Variants in DYNC2H1 observed in about 807,000 individuals in gnomAD.
DYNC2H1 encodes the protein cytoplasmic dynein 2 heavy chain 1.
In DYNC2H1, 410 loss-of-function variants were observed where a neutral mutation model predicts 570.0. That is an observed-to-expected ratio of 0.72 (90% CI 0.66 to 0.78). The LOEUF is 0.78. DYNC2H1 is among the 30% of genes least tolerant of loss of function. The probability of loss-of-function intolerance (pLI) is 0.00; values close to 1 mark genes in which losing one functional copy is unlikely to be tolerated. For missense variants in DYNC2H1, 4,865 were observed against 5,046.4 expected (o/e 0.96, Z 1.09); for synonymous variants, 1,688 against 1,677.6 (o/e 1.01, Z -0.15).
At chr11:103,117,604 T>G in intron 5 of DYNC2H1, 27 bp from the exon 6 acceptor site, 1 of 1,511,208 alleles carries the variant, frequency 6.6e-7, no homozygotes, top group East Asian at 2.3e-5. Context: ...TTATTTCCCT[T>G]AAACTCTTTG....
intron 54 of DYNC2H1, among the ~76,000 whole-genome samples, chr11:103,214,296 A>G (rs2135129654): frequency 6.6e-6 from 1 of 152,268 alleles, no homozygotes; most frequent in Middle Eastern, 3.4e-3. Flanking sequence ...TGCTTTGGCT[A>G]TTCAGGCTCT....
intron 63 of DYNC2H1, 64 bp downstream of exon 63, chr11:103,236,603 G>A: frequency 3.4e-6 from 3 of 882,128 alleles, no homozygotes; most frequent in South Asian, 3.4e-5. Context: ...TGTAGAAATT[G>A]TGTTCTTCGT....
Position 103,153,359 on chromosome 11 carries a change from G to A in DYNC2H1, c.3153G>A (p.Leu1051=). Residue 1051 remains leucine (L), a synonymous_variant, in exon 22 of 89, where the codon CTG becomes CTA. Coordinates refer to ENST00000375735, the MANE Select transcript of DYNC2H1 (RefSeq NM_001377.3). The part of the protein sequence containing the change: ...KSRLQIYYQE[L]EKFKARWDQL... Reference sequence around the variant, plus strand: ...GTCTTCAGATCTATTATCAAGAACTGGAAAAATTTAAAGCTCGTTGGGACC... The same window carrying A: ...GTCTTCAGATCTATTATCAAGAACTAGAAAAATTTAAAGCTCGTTGGGACC... 1.3e-6 allele frequency: 2 copies of A among 1,548,312 alleles called. No homozygotes were observed. The highest frequency in any genetic ancestry group is 1.7e-6 in the Non-Finnish European group (2 of 1,146,094).
chr11:103,156,243 G>A, intron 25 of DYNC2H1, 145 bp from the exon 26 acceptor site: 1 of 731,904 alleles, frequency 1.4e-6, no homozygotes, highest in Non-Finnish European at 2.2e-6. Context: ...TGAGTTGCAT[G>A]TAAAATAGAG....
At position 103,244,077 on chromosome 11, in the gene DYNC2H1, A is replaced by C. The variant is rs1172567801; in HGVS notation, c.9918+286A>C. Reference sequence around the variant, plus strand: ...AGAGAAACAATTAAAGAAGCTTTGCACTACGTTATGACTAATGACACAAGT... The same window carrying C: ...AGAGAAACAATTAAAGAAGCTTTGCCCTACGTTATGACTAATGACACAAGT... On this transcript the variant is annotated intron_variant, in intron 64 of 88. Coordinates refer to ENST00000375735, the MANE Select transcript of DYNC2H1 (RefSeq NM_001377.3). The surrounding 1 kb of genome is among the most constrained non-coding windows in gnomAD (Gnocchi z 4.3). Among the ~76,000 whole-genome samples, 1 of 152,178 alleles carries C rather than the reference A, an allele frequency of 6.6e-6. No homozygotes were observed. The highest frequency in any genetic ancestry group is 6.5e-5 in the Admixed American group (1 of 15,268).
At chr11:103,165,142 T>A (rs896034571) in intron 30 of DYNC2H1, among the ~76,000 whole-genome samples, 1 of 152,198 alleles carries the variant, frequency 6.6e-6, no homozygotes, top group Non-Finnish European at 1.5e-5. Flanking sequence ...TGTTTTAAGT[T>A]GCAGTAAGAC....
At chr11:103,154,834 A>G in intron 24 of DYNC2H1, 25 bp downstream of exon 24, 1 of 1,494,842 alleles carries the variant, frequency 6.7e-7, no homozygotes, top group Non-Finnish European at 9.0e-7. Context: ...TTATTTTGCC[A>G]ATTAAAAACA....
chr11:103,202,293 G>GTTTTT lies in DYNC2H1; in HGVS notation c.8198-1370_8198-1369insTTTTT, dbSNP rs1318165052. On this transcript the variant is annotated intron_variant, in intron 50 of 88. Transcript: ENST00000375735. Reference sequence around the variant, plus strand: ...TTTGGCTGATGAGACCAGAAACACAGATTTTTTTTTTTTTTTTTTGGAAAG... The same window carrying GTTTTT: ...TTTGGCTGATGAGACCAGAAACACAGTTTTTATTTTTTTTTTTTTTTTTTGGAAAG... Among the ~76,000 whole-genome samples, 24 of 47,142 alleles carry GTTTTT rather than the reference G, an allele frequency of 5.1e-4. 2 individuals carry two copies. The highest frequency in any genetic ancestry group is 5.6e-4 in the South Asian group (1 of 1,790). The allele number at this position is 47,142 out of a possible 152,430, so 30.9% of individuals were successfully genotyped here.
chr11:103,372,684 G>T (rs569451135), intron 83 of DYNC2H1, among the ~76,000 whole-genome samples: 4 of 152,144 alleles, frequency 2.6e-5, no homozygotes, highest in African/African-American at 9.6e-5. Flanking sequence ...CCTGTAGTTT[G>T]CTTTTTCTTT....
intron 82 of DYNC2H1, among the ~76,000 whole-genome samples, chr11:103,344,773 T>G (rs1288332141): frequency 1.3e-5 from 2 of 152,196 alleles, no homozygotes; most frequent in Non-Finnish European, 2.9e-5. Flanking sequence ...ATATAACACT[T>G]AATATATACA....
rs969124862 is a variant in DYNC2H1 at position 103,252,327 on chromosome 11, A to G, written c.10043-958A>G. Reference sequence around the variant, plus strand: ...ATGCTGTGAAGAAATGGGAGTGCAGATATCTTTATGAGGTGGTGACTTATT... The same window carrying G: ...ATGCTGTGAAGAAATGGGAGTGCAGGTATCTTTATGAGGTGGTGACTTATT... On this transcript the variant is annotated intron_variant, in intron 65 of 88. Transcript: ENST00000375735. This position sits in a 1 kb window ranked among gnomAD's most constrained non-coding sequence, Gnocchi z 4.6. Among the ~76,000 whole-genome samples the G allele has an allele frequency of 8.5e-5, 13 of 152,180 alleles. No individual in the cohort carries two copies. The highest frequency in any genetic ancestry group is 3.1e-4 in the African/African-American group (13 of 41,534).
chr11:103,389,928 A>G (rs1021457788), intron 83 of DYNC2H1, among the ~76,000 whole-genome samples: 5 of 152,140 alleles, frequency 3.3e-5, no homozygotes, highest in South Asian at 2.1e-4. Flanking sequence ...TATGTGGTCA[A>G]TTTTGGAATA....
intron 82 of DYNC2H1, among the ~76,000 whole-genome samples, chr11:103,333,180 T>G (rs2512133): frequency 0.33 from 50,018 of 152,068 alleles, 9,709 homozygotes; most frequent in Non-Finnish European, 0.43. Context: ...TATAAAAGTA[T>G]TTCCATATTT....
Position 103,174,120 on chromosome 11 carries a change from G to T in DYNC2H1, c.5624G>T (p.Gly1875Val). 1 of 1,589,970 alleles carries T rather than the reference G, an allele frequency of 6.3e-7. No individual in the cohort carries two copies. The highest frequency in any genetic ancestry group is 8.6e-7 in the Non-Finnish European group (1 of 1,166,818). Reference protein sequence around the residue: ...GLRALKTVLRGSGNLLRQLNK... With the variant: ...GLRALKTVLRVSGNLLRQLNK... ...AGAGCTTTGAAGACAGTTCTGAGAG[G>T]AAGTGGAAATCTCCTTAGACAGCTA... Residue 1875 changes from glycine (G) to valine (V), a missense_variant, in exon 36 of 89, where the codon GGA (glycine) becomes GTA (valine). Coordinates refer to ENST00000375735, the MANE Select transcript of DYNC2H1 (RefSeq NM_001377.3).
chr11:103,188,578 G>A lies in DYNC2H1; in HGVS notation c.7222G>A (p.Ala2408Thr), dbSNP rs201875907. The change falls in exon 44 of 89, where the codon GCT becomes ACT. Residue 2408 changes from alanine (A) to threonine (T), a missense_variant. By Grantham distance (58) the Ala-to-Thr change is moderately conservative (BLOSUM62 0). Around this residue, in one of 5 missense-constraint regions of DYNC2H1, gnomAD observed 2,401 missense variants for 2,454.6 expected, o/e 0.98. Coordinates refer to ENST00000375735, the MANE Select transcript of DYNC2H1 (RefSeq NM_001377.3). ...ENIQIVASMS[A>T]GGRLGRHKLT... ...TATTCAAATTGTGGCTTCTATGTCA[G>A]CTGGAGGAAGACTGGGAAGACATAA... 1.7e-4 allele frequency: 273 copies of A among 1,610,872 alleles called. No individual in the cohort carries two copies. Among genetic ancestry groups the A allele is most frequent in the Admixed American group, 3.3e-4 (20 of 59,856 alleles).
chr11:103,150,457 A>G (rs943165005), intron 20 of DYNC2H1, among the ~76,000 whole-genome samples: 1 of 152,092 alleles, frequency 6.6e-6, no homozygotes, highest in Non-Finnish European at 1.5e-5. Flanking sequence ...GATAAATCAA[A>G]ATGTCTCTTA....
intron 84 of DYNC2H1, among the ~76,000 whole-genome samples, chr11:103,412,129 A>T (rs1337155707): frequency 1.3e-5 from 2 of 151,622 alleles, no homozygotes; most frequent in African/African-American, 2.4e-5. Context: ...TACCCCATTT[A>T]TTTCAAAATA....
intron 40 of DYNC2H1, among the ~76,000 whole-genome samples, chr11:103,183,436 C>T (rs1011683207): frequency 2.0e-5 from 3 of 151,670 alleles, no homozygotes; most frequent in Non-Finnish European, 4.4e-5. Flanking sequence ...ACCAAAGATT[C>T]AGTTAGGAAA....
rs574385153 is a variant in DYNC2H1 at position 103,228,946 on chromosome 11, A to T, written c.9354-2314A>T. Reference sequence around the variant, plus strand: ...GGAGGGGGGTGTGGTTTCCAGTCCAATGTAATTATATTCCCAGGGGGATTA... The same window carrying T: ...GGAGGGGGGTGTGGTTTCCAGTCCATTGTAATTATATTCCCAGGGGGATTA... On this transcript the variant is annotated intron_variant, in intron 59 of 88. Coordinates refer to ENST00000375735, the MANE Select transcript of DYNC2H1 (RefSeq NM_001377.3). This position sits in a 1 kb window ranked among gnomAD's most constrained non-coding sequence, Gnocchi z 6.1. Among the ~76,000 whole-genome samples, 1 of 152,004 alleles carries T rather than the reference A, an allele frequency of 6.6e-6. No individual in the cohort carries two copies. Among genetic ancestry groups the T allele is most frequent in the Non-Finnish European group, 1.5e-5 (1 of 67,990 alleles).
Sources: gnomAD v4.1 joint callset for allele counts (sites outside exome capture counted in the v4.1 genomes callset) on GRCh38, gnomAD v4.1.1 for gene constraint, gnomAD v4.1.1 regional missense constraint, Gnocchi (gnomAD v3.1) non-coding constraint, MANE v1.5 for transcripts, NCBI Gene and HGNC (gene_info 2026-07-23, HGNC 2026-07-21) for gene names.